Variants in KCNQ1 observed in about 807,000 individuals in gnomAD.
KCNQ1 encodes the protein potassium voltage-gated channel subfamily KQT member 1.
A neutral mutation model predicts 72.4 loss-of-function variants in KCNQ1; 49 were observed. The observed-to-expected ratio is 0.68, with a 90% confidence interval of 0.54 to 0.86. The LOEUF (loss-of-function observed/expected upper bound fraction) is 0.86, where lower values mean the gene tolerates loss of function less well. Among genes scored for constraint, KCNQ1 ranks in the 40% least tolerant of loss-of-function variants. The probability of loss-of-function intolerance (pLI) is 0.00; values close to 1 mark genes in which losing one functional copy is unlikely to be tolerated. For missense variants in KCNQ1, 790 were observed against 945.1 expected (o/e 0.84, Z 2.15); for synonymous variants, 450 against 412.6 (o/e 1.09, Z -1.10).
rs1238978732 is a variant in KCNQ1, at chr11:2,785,405, T to A, written c.1794+7368T>A. Among the ~76,000 whole-genome samples the A allele has an allele frequency of 6.6e-6, 1 of 151,838 alleles. No individual in the cohort carries two copies. Among genetic ancestry groups the A allele is most frequent in the Admixed American group, 6.6e-5 (1 of 15,266 alleles). Reference sequence around the variant, plus strand: ...TGGTTTGCTAATATTTTGTTAAGAATGTTTGTGTCTTCAACCTAGGAAAGC... The same window carrying A: ...TGGTTTGCTAATATTTTGTTAAGAAAGTTTGTGTCTTCAACCTAGGAAAGC... On this transcript the variant is annotated intron_variant, in intron 15 of 15. Coordinates refer to ENST00000155840, the MANE Select transcript of KCNQ1 (RefSeq NM_000218.3). This position sits in a 1 kb window ranked among gnomAD's most constrained non-coding sequence, Gnocchi z 4.4.
rs1850312795 is a variant in KCNQ1 at position 2,677,395 on chromosome 11, A to G, written c.1514+15314A>G. 1 of 398,502 alleles carries G rather than the reference A, an allele frequency of 2.5e-6. No homozygotes were observed. The highest frequency in any genetic ancestry group is 2.1e-5 in the African/African-American group (1 of 48,642). 24.7% of individuals were successfully genotyped at this position (398,502 alleles called of 1,614,324 possible). On this transcript the variant is annotated intron_variant, in intron 11 of 15. Transcript: ENST00000155840. This position sits in a 1 kb window ranked among gnomAD's most constrained non-coding sequence, Gnocchi z 4.5. ...TCAGTTGAAGAGGAAACCAAGATCG[A>G]TGCCTAGATAAGCATTTCAGAGGAC...
intron 10 of KCNQ1, chr11:2,614,987 T>C (rs1229294122): frequency 5.0e-6 from 2 of 398,326 alleles, no homozygotes; most frequent in African/African-American, 4.1e-5. Context: ...CTGGGTAATA[T>C]CGCCAACTTA....
At position 2,670,587 on chromosome 11, in the gene KCNQ1, G is replaced by A. The variant is rs1054110148; in HGVS notation, c.1514+8506G>A. 45 of 398,316 alleles carry A rather than the reference G, an allele frequency of 1.1e-4. No individual in the cohort carries two copies. Among genetic ancestry groups the A allele is most frequent in the African/African-American group, 9.1e-4 (44 of 48,602 alleles). The allele number at this position is 398,316 out of a possible 1,614,324, so 24.7% of individuals were successfully genotyped here. Reference sequence around the variant, plus strand: ...CTGGGAGATAGGAGCAGAAGCCAGGGCTCATTCCCAGACACACAATCTCTG... The same window carrying A: ...CTGGGAGATAGGAGCAGAAGCCAGGACTCATTCCCAGACACACAATCTCTG... On this transcript the variant is annotated intron_variant, in intron 11 of 15. Coordinates refer to ENST00000155840, the MANE Select transcript of KCNQ1 (RefSeq NM_000218.3). The surrounding 1 kb of genome is among the most constrained non-coding windows in gnomAD (Gnocchi z 4.9).
At chr11:2,461,648 C>A (rs1267785636) in intron 1 of KCNQ1, 1 of 1,366,484 alleles carries the variant, frequency 7.3e-7, no homozygotes, top group Admixed American at 1.9e-5. Context: ...GAATTTGAGG[C>A]CTGTGGCTGC....
At chr11:2,689,092 G>A (rs2133889827) in intron 11 of KCNQ1, 1 of 398,790 alleles carries the variant, frequency 2.5e-6, no homozygotes, top group Non-Finnish European at 4.4e-6. Flanking sequence ...CCTGGAAGTT[G>A]GGTAGTCTGG....
Position 2,538,675 on chromosome 11 carries a change from C to T in KCNQ1, c.477+10657C>T, listed in dbSNP as rs1231453896. Among the ~76,000 whole-genome samples, 2 of 151,984 alleles carry T rather than the reference C, an allele frequency of 1.3e-5. No homozygotes were observed. The highest frequency in any genetic ancestry group is 6.6e-5 in the Admixed American group (1 of 15,256). ...CGGAAACTTCCCTGAGTATACGGGG[C>T]CTTGTGTGTGGAGGGGCCCTACGGT... On this transcript the variant is annotated intron_variant, in intron 2 of 15. Transcript: ENST00000155840. The surrounding 1 kb of genome is among the most constrained non-coding windows in gnomAD (Gnocchi z 6.7).
Position 2,817,620 on chromosome 11 carries a change from G to A in KCNQ1, c.1795-30147G>A, listed in dbSNP as rs573550558. Among the ~76,000 whole-genome samples the A allele has an allele frequency of 3.0e-4, 45 of 152,264 alleles. No individual in the cohort carries two copies. The highest frequency in any genetic ancestry group is 1.0e-3 in the African/African-American group (42 of 41,532). On this transcript the variant is annotated intron_variant, in intron 15 of 15. Transcript: ENST00000155840. The surrounding 1 kb of genome is among the most constrained non-coding windows in gnomAD (Gnocchi z 6.1). ...TGGAGGACGCTGGGCAGAGCCCTGG[G>A]CATTAACTCAGGGCCATCACAGAGG...
At chr11:2,741,868 C>T (rs1383901422) in intron 11 of KCNQ1, among the ~76,000 whole-genome samples, 1 of 152,192 alleles carries the variant, frequency 6.6e-6, no homozygotes, top group South Asian at 2.1e-4. Flanking sequence ...CTGGCCAAGG[C>T]CCCACTCTCT....
rs536931337 is a variant in KCNQ1, at chr11:2,715,890, T to C, written c.1515-52954T>C. ...CCACACCAGCCAGAGCTTGGGTGAT[T>C]GAGTGGGTAGAGGGGGTGGCCAGAG... On this transcript the variant is annotated intron_variant, in intron 11 of 15. Coordinates refer to ENST00000155840, the MANE Select transcript of KCNQ1 (RefSeq NM_000218.3). This position sits in a 1 kb window ranked among gnomAD's most constrained non-coding sequence, Gnocchi z 4.9. 7.4e-5 allele frequency among the ~76,000 whole-genome samples: 11 copies of C among 148,182 alleles called. No individual in the cohort carries two copies. In the South Asian group the frequency reaches 2.4e-3, roughly 32 times the overall value.
rs1219426314 is a variant in KCNQ1, at chr11:2,508,866, T to A, written c.387-19062T>A. The stretch of plus-strand genomic sequence containing the variant: ...TGAATGCATGCTCCCTCCACACCCA[T>A]GTGCCTGATGCACACAGCCTGGCCC... On this transcript the variant is annotated intron_variant, in intron 1 of 15. Transcript: ENST00000155840. The surrounding 1 kb of genome is among the most constrained non-coding windows in gnomAD (Gnocchi z 6.2). Among the ~76,000 whole-genome samples, 1 of 152,226 alleles carries A rather than the reference T, an allele frequency of 6.6e-6. No individual in the cohort carries two copies. Among genetic ancestry groups the A allele is most frequent in the Non-Finnish European group, 1.5e-5 (1 of 68,028 alleles).
rs1848536618 is a variant in KCNQ1 at position 2,583,502 on chromosome 11, CCTG to C, written c.992_994del (p.Cys331del). Reference sequence around the variant, plus strand: ...ACGTGGGTCGGGAAGACCATCGCCTCCTGCTTCTCTGTCTTTGCCATCTCCTTC... The same window carrying C: ...ACGTGGGTCGGGAAGACCATCGCCTCCTTCTCTGTCTTTGCCATCTCCTTC... On this transcript the variant is annotated inframe_deletion, in exon 7 of 16. Transcript: ENST00000155840. 1 of 1,613,978 alleles carries C rather than the reference CCTG, an allele frequency of 6.2e-7. No homozygotes were observed. Among genetic ancestry groups the C allele is most frequent in the African/African-American group, 1.3e-5 (1 of 74,946 alleles).
At position 2,746,692 on chromosome 11, in the gene KCNQ1, G is replaced by C. The variant is rs1253056282; in HGVS notation, c.1515-22152G>C. 2.0e-5 allele frequency among the ~76,000 whole-genome samples: 3 copies of C among 152,212 alleles called. No homozygotes were observed. The highest frequency in any genetic ancestry group is 4.4e-5 in the Non-Finnish European group (3 of 68,018). ...TTCCGAGGGCCCATCCTGTCGGTGTGGCTCGTCATGGGCGATGCTGTCTCT... is the reference window on the plus strand; with the variant it reads ...TTCCGAGGGCCCATCCTGTCGGTGTCGCTCGTCATGGGCGATGCTGTCTCT... On this transcript the variant is annotated intron_variant, in intron 11 of 15. Coordinates refer to ENST00000155840, the MANE Select transcript of KCNQ1 (RefSeq NM_000218.3). The surrounding 1 kb of genome is among the most constrained non-coding windows in gnomAD (Gnocchi z 5.9).
At chr11:2,773,101 T>G (rs163153) in intron 12 of KCNQ1, among the ~76,000 whole-genome samples, 151,403 of 152,132 alleles carry the variant, frequency 1, 75,343 homozygotes, top group Middle Eastern at 1. Context: ...AGCAAGGCAG[T>G]GCTCAGCATC....
rs1456545961 is a variant in KCNQ1 at position 2,593,055 on chromosome 11, G to A, written c.1393+4201G>A. 1.3e-5 allele frequency among the ~76,000 whole-genome samples: 2 copies of A among 152,190 alleles called. No individual in the cohort carries two copies. Among genetic ancestry groups the A allele is most frequent in the African/African-American group, 2.4e-5 (1 of 41,442 alleles). Reference sequence around the variant, plus strand: ...CCACAGCCAGGTCACCATTGACCAGGTTGTCCAGTCCCCTCCTCATAGGGG... The same window carrying A: ...CCACAGCCAGGTCACCATTGACCAGATTGTCCAGTCCCCTCCTCATAGGGG... On this transcript the variant is annotated intron_variant, in intron 10 of 15. Transcript: ENST00000155840. The surrounding 1 kb of genome is among the most constrained non-coding windows in gnomAD (Gnocchi z 6.9).
intron 6 of KCNQ1, among the ~76,000 whole-genome samples, chr11:2,573,264 T>C (rs1269643005): frequency 6.6e-6 from 1 of 152,064 alleles, no homozygotes; most frequent in Non-Finnish European, 1.5e-5. Flanking sequence ...GGAGCGTGTG[T>C]TGGGGGCTTA....
At position 2,608,791 on chromosome 11, in the gene KCNQ1, G is replaced by GT. The variant is rs1244969443; in HGVS notation, c.1393+19944dup. ...GGTGTGAGCCACTGCAGCTAGCCTC[G>GT]TTTTTTTGCTTTAATTTGTAAAACT... On this transcript the variant is annotated intron_variant, in intron 10 of 15. Transcript: ENST00000155840. The surrounding 1 kb of genome is among the most constrained non-coding windows in gnomAD (Gnocchi z 4.6). The GT allele has an allele frequency of 1.0e-5, 4 of 398,224 alleles. No individual in the cohort carries two copies. The highest frequency in any genetic ancestry group is 3.6e-5 in the East Asian group (1 of 28,086). The allele number at this position is 398,224 out of a possible 1,614,324, so 24.7% of individuals were successfully genotyped here.
Position 2,608,410 on chromosome 11 carries a change from A to T in KCNQ1, c.1393+19556A>T, listed in dbSNP as rs1848916101. 1 of 398,518 alleles carries T rather than the reference A, an allele frequency of 2.5e-6. No individual in the cohort carries two copies. Among genetic ancestry groups the T allele is most frequent in the Admixed American group, 4.4e-5 (1 of 22,716 alleles). 24.7% of individuals were successfully genotyped at this position (398,518 alleles called of 1,614,324 possible). A position where few individuals can be genotyped will look rare whatever the true frequency, so the allele number is the denominator to read the frequency against. ...ATAATTTATTGGCACAAAATTGTTC[A>T]TAGTGTTCCTTCATAATCCTTTTTA... On this transcript the variant is annotated intron_variant, in intron 10 of 15. Transcript: ENST00000155840. This position sits in a 1 kb window ranked among gnomAD's most constrained non-coding sequence, Gnocchi z 4.6.
Position 2,677,662 on chromosome 11 carries a change from G to A in KCNQ1, c.1514+15581G>A, listed in dbSNP as rs573948768. On this transcript the variant is annotated intron_variant, in intron 11 of 15. Coordinates refer to ENST00000155840, the MANE Select transcript of KCNQ1 (RefSeq NM_000218.3). This position sits in a 1 kb window ranked among gnomAD's most constrained non-coding sequence, Gnocchi z 4.5. The stretch of plus-strand genomic sequence containing the variant: ...CTCTAACAACTGTTATTGCATATGA[G>A]ATAAAATAATATTTTAACTACTGTT... 5.0e-6 allele frequency: 2 copies of A among 398,422 alleles called. No individual in the cohort carries two copies. Among genetic ancestry groups the A allele is most frequent in the Admixed American group, 8.8e-5 (2 of 22,730 alleles). The allele number at this position is 398,422 out of a possible 1,614,324, so 24.7% of individuals were successfully genotyped here. A position where few individuals can be genotyped will look rare whatever the true frequency, so the allele number is the denominator to read the frequency against.
chr11:2,471,764 ATGGGTGTGTGCATGTGATTGGGTG>A lies in KCNQ1; in HGVS notation c.386+26283_386+26306del, dbSNP rs1846469440. 6.9e-6 allele frequency among the ~76,000 whole-genome samples: 1 copy of A among 144,558 alleles called. No individual in the cohort carries two copies. Among genetic ancestry groups the A allele is most frequent in the Admixed American group, 6.8e-5 (1 of 14,620 alleles). 94.8% of individuals were successfully genotyped at this position (144,558 alleles called of 152,430 possible). On this transcript the variant is annotated intron_variant, in intron 1 of 15. Coordinates refer to ENST00000155840, the MANE Select transcript of KCNQ1 (RefSeq NM_000218.3). The surrounding 1 kb of genome is among the most constrained non-coding windows in gnomAD (Gnocchi z 4.8). ...TGCATGGGCGTGTGTGTACTTGTGT[ATGGGTGTGTGCATGTGATTGGGTG>A]TGTGCATGTGTATATAGGTGTGTGT... is the stretch of plus-strand genomic sequence containing the variant.
Sources: gnomAD v4.1 joint callset for allele counts (sites outside exome capture counted in the v4.1 genomes callset) on GRCh38, gnomAD v4.1.1 for gene constraint, Gnocchi (gnomAD v3.1) non-coding constraint, MANE v1.5 for transcripts, NCBI Gene and HGNC (gene_info 2026-07-23, HGNC 2026-07-21) for gene names.